Variants in SWAP70 observed in about 807,000 individuals in gnomAD.
SWAP70 encodes the protein switch-associated protein 70.
SWAP70 carries 34 observed loss-of-function variants against 80.2 expected under a neutral mutation model. The observed-to-expected ratio is 0.42, with a 90% CI of 0.32 to 0.56. The LOEUF is 0.56. SWAP70 is among the 20% of genes least tolerant of loss of function. The pLI is 0.09. For synonymous variants in SWAP70, 239 were observed against 238.5 expected, an observed-to-expected ratio of 1.00 and a Z score of -0.02; for missense variants, 578 against 690.7, an observed-to-expected ratio of 0.84 and a Z score of 1.83.
intron 2 of SWAP70, among the ~76,000 whole-genome samples, chr11:9,697,502 T>C (rs1246117121): frequency 2.6e-5 from 4 of 152,104 alleles, no homozygotes; most frequent in Non-Finnish European, 5.9e-5. Context: ...AGATTGGTCT[T>C]GAACTCTTGA....
At chr11:9,722,376 A>C (rs890627327) in intron 3 of SWAP70, among the ~76,000 whole-genome samples, 5 of 152,352 alleles carry the variant, frequency 3.3e-5, no homozygotes, top group East Asian at 1.9e-4. Flanking sequence ...ATGAGTGAAA[A>C]TACGTTAAGT....
chr11:9,671,828 TATA>T (rs1238705884), intron 1 of SWAP70, among the ~76,000 whole-genome samples: 3,400 of 102,356 alleles, frequency 0.033, 75 homozygotes, highest in Non-Finnish European at 0.044. Flanking sequence ...AAATATATAA[TATA>T]ATAATATATA....
chr11:9,710,903 C>G (rs2336805), intron 2 of SWAP70, among the ~76,000 whole-genome samples: 49,363 of 151,416 alleles, frequency 0.33, 8,297 homozygotes, highest in Non-Finnish European at 0.35. Context: ...AGGCTGGTCT[C>G]AAACTCCTGG....
intron 11 of SWAP70, 112 bp from the exon 12 acceptor site, chr11:9,749,752 G>A: frequency 1.5e-6 from 1 of 662,224 alleles, no homozygotes; most frequent in Non-Finnish European, 2.6e-6. Context: ...ATTTATGCAT[G>A]TTCCTCAAAG....
intron 9 of SWAP70, among the ~76,000 whole-genome samples, chr11:9,742,287 A>AT (rs945346744): frequency 2.6e-5 from 4 of 151,382 alleles, no homozygotes; most frequent in South Asian, 2.1e-4. Flanking sequence ...ATTATTCTAA[A>AT]TTTTTTTTTC....
intron 2 of SWAP70, among the ~76,000 whole-genome samples, chr11:9,694,736 T>C (rs1234366580): frequency 6.6e-6 from 1 of 152,056 alleles, no homozygotes; most frequent in Non-Finnish European, 1.5e-5. Flanking sequence ...ATCAGAGAAA[T>C]ACAAATCAAA....
intron 1 of SWAP70, chr11:9,680,970 C>G (rs1453095317): frequency 6.4e-6 from 1 of 157,072 alleles, no homozygotes; most frequent in Non-Finnish European, 1.5e-5. Flanking sequence ...CCATTGATCA[C>G]CAGGGTTGAT....
intron 2 of SWAP70, among the ~76,000 whole-genome samples, chr11:9,704,814 A>G (rs1249410259): frequency 6.6e-6 from 1 of 152,180 alleles, no homozygotes; most frequent in African/African-American, 2.4e-5. Flanking sequence ...CTCCTCCCAT[A>G]CCAGATGTTG....
At chr11:9,693,193 G>C (rs951155150) in intron 1 of SWAP70, among the ~76,000 whole-genome samples, 14 of 152,226 alleles carry the variant, frequency 9.2e-5, no homozygotes, top group African/African-American at 2.7e-4. Context: ...CAACTAGGAA[G>C]ATTCTCTGTT....
intron 1 of SWAP70, among the ~76,000 whole-genome samples, chr11:9,672,593 C>T (rs1358426473): frequency 3.1e-5 from 4 of 130,668 alleles, no homozygotes; most frequent in Non-Finnish European, 6.2e-5. Context: ...AGGCTGGTCT[C>T]AAACTCCTGG....
chr11:9,737,259 G>A (rs1015109728), intron 7 of SWAP70, among the ~76,000 whole-genome samples: 8 of 152,286 alleles, frequency 5.3e-5, no homozygotes, highest in Admixed American at 3.9e-4. Flanking sequence ...GGGAACCCTT[G>A]TTTGGGGTTC....
intron 3 of SWAP70, among the ~76,000 whole-genome samples, chr11:9,719,805 G>A (rs543547133): frequency 2.0e-5 from 3 of 152,136 alleles, no homozygotes; most frequent in African/African-American, 4.8e-5. Flanking sequence ...TGTCTCTTGT[G>A]TACCTATTTG....
At chr11:9,688,892 C>CAGGG (rs1182858305) in intron 1 of SWAP70, among the ~76,000 whole-genome samples, 3 of 152,058 alleles carry the variant, frequency 2.0e-5, no homozygotes, top group Admixed American at 6.5e-5. Flanking sequence ...GCTTTTAAGG[C>CAGGG]AGGGCATAGC....
chr11:9,750,216 C>G lies in SWAP70; in HGVS notation c.*246C>G. On this transcript the variant is annotated 3_prime_UTR_variant, in exon 12 of 12. Transcript: ENST00000318950. Reference sequence around the variant, plus strand: ...ATTAGCTGAGCGTGGTGGCGGGCGCCTGTAATCCCAGCTACTTGGGAGGCT... The same window carrying G: ...ATTAGCTGAGCGTGGTGGCGGGCGCGTGTAATCCCAGCTACTTGGGAGGCT... 1 of 258,066 alleles carries G rather than the reference C, an allele frequency of 3.9e-6. No homozygotes were observed. Among genetic ancestry groups the G allele is most frequent in the Non-Finnish European group, 7.8e-6 (1 of 128,444 alleles). The allele number at this position is 258,066 out of a possible 1,614,324, so 16.0% of individuals were successfully genotyped here.
intron 1 of SWAP70, among the ~76,000 whole-genome samples, chr11:9,692,177 T>TA (rs147926054): frequency 0.011 from 1,693 of 150,922 alleles, 37 homozygotes; most frequent in African/African-American, 0.039. Context: ...GCTATGAAGA[T>TA]AAATAGATTG....
At chr11:9,728,314 C>T in intron 5 of SWAP70, 115 bp downstream of exon 5, 1 of 1,162,872 alleles carries the variant, frequency 8.6e-7, no homozygotes, top group South Asian at 2.5e-5. Context: ...CCCAAATTTA[C>T]ATTTCCAAAA....
intron 1 of SWAP70, among the ~76,000 whole-genome samples, chr11:9,671,731 T>C (rs1407143602): frequency 5.6e-5 from 4 of 70,982 alleles, no homozygotes; most frequent in African/African-American, 1.8e-4. Flanking sequence ...AATATATTTC[T>C]ATGTATACAT....
At chr11:9,697,397 C>T (rs548210622) in intron 2 of SWAP70, among the ~76,000 whole-genome samples, 1 of 151,946 alleles carries the variant, frequency 6.6e-6, no homozygotes, top group South Asian at 2.1e-4. Flanking sequence ...ATTCTCCTGG[C>T]TTAGCCTCCT....
intron 1 of SWAP70, among the ~76,000 whole-genome samples, chr11:9,671,738 A>AAATATATATATAAATATATTT (rs1850405567): frequency 1.1e-5 from 1 of 88,590 alleles, no homozygotes; most frequent in African/African-American, 4.4e-5. Flanking sequence ...TTCTATGTAT[A>AAATATATATATAAATATATTT]CATAGAAATA....
Sources: allele counts gnomAD v4.1 joint callset (sites outside exome capture counted in the v4.1 genomes callset), GRCh38; gene constraint gnomAD v4.1.1; transcripts MANE v1.5; gene names NCBI Gene and HGNC (gene_info 2026-07-23, HGNC 2026-07-21).